The following AMMECR1 variants were observed in gnomAD, a reference collection of about 807,000 sequenced individuals.
AMMECR1 encodes the protein nuclear protein AMMECR1.
In AMMECR1, 3 loss-of-function variants were observed where a neutral mutation model predicts 22.5. That is an observed-to-expected ratio of 0.13 (90% CI 0.06 to 0.35). AMMECR1 has a LOEUF of 0.35. Among genes scored for constraint, AMMECR1 ranks in the 10% least tolerant of loss-of-function variants. The pLI, the probability that AMMECR1 is intolerant of heterozygous loss-of-function variation, is 1.00. For synonymous variants in AMMECR1, 130 were observed against 116.7 expected (o/e 1.11, Z -0.74); for missense variants, 235 against 278.7 (o/e 0.84, Z 1.12).
chrX:110,268,557 C>A (rs1009667076), intron 1 of AMMECR1, among the ~76,000 whole-genome samples: 1 of 112,124 alleles, frequency 8.9e-6, no homozygotes, highest in Admixed American at 9.4e-5. Context: ...TCCCTGAGCA[C>A]AAGACATTGT....
intron 2 of AMMECR1, among the ~76,000 whole-genome samples, chrX:110,355,461 G>A (rs2068226518): frequency 8.9e-6 from 1 of 111,849 alleles, no homozygotes; most frequent in South Asian, 3.7e-4. Flanking sequence ...CTTAAGAGTT[G>A]TGAATTGCCA....
intron 2 of AMMECR1, among the ~76,000 whole-genome samples, chrX:110,425,980 G>A (rs967162643): frequency 9.1e-5 from 10 of 109,403 alleles, no homozygotes; most frequent in African/African-American, 1.0e-4. Flanking sequence ...GTGCGTGCGC[G>A]CACACACACA....
chrX:110,382,299 C>T (rs2068425587), intron 2 of AMMECR1, among the ~76,000 whole-genome samples: 1 of 108,737 alleles, frequency 9.2e-6, no homozygotes, highest in Non-Finnish European at 1.9e-5. Flanking sequence ...GAACAGAAGG[C>T]GAATAAGCAA....
rs2067361437 is a variant in AMMECR1, at chrX:110,194,551, G to T, written c.*3969C>A. On this transcript the variant is annotated 3_prime_UTR_variant, in exon 6 of 6. Coordinates refer to ENST00000262844, the MANE Select transcript of AMMECR1 (RefSeq NM_015365.3). ...ACAAGTCTCACCATTGTATCACCAA[G>T]AACTCATTATGCTGGTGACAGATTC... The T allele has an allele frequency of 8.9e-6, 1 of 111,955 alleles. No homozygotes were observed. The highest frequency in any genetic ancestry group is 1.9e-5 in the Non-Finnish European group (1 of 53,193). The allele number at this position is 111,955 out of a possible 1,213,427, so 9.2% of individuals were successfully genotyped here. A position where few individuals can be genotyped will look rare whatever the true frequency, so the allele number is the denominator to read the frequency against.
At chrX:110,234,200 C>T (rs752929890) in intron 2 of AMMECR1, among the ~76,000 whole-genome samples, 4 of 111,262 alleles carry the variant, frequency 3.6e-5, no homozygotes, top group African/African-American at 9.8e-5. Context: ...AAACAGAGAG[C>T]CAAATCATGA....
chrX:110,225,531 T>C (rs747571515), intron 2 of AMMECR1, among the ~76,000 whole-genome samples: 4 of 112,497 alleles, frequency 3.6e-5, no homozygotes, highest in East Asian at 2.8e-4. Flanking sequence ...ATGAAGATTA[T>C]ATAGGTTGGA....
rs1004508026 is a variant in AMMECR1, at chrX:110,194,791, T to C, written c.*3729A>G. 1.8e-5 allele frequency: 2 copies of C among 111,686 alleles called. No homozygotes were observed. Among genetic ancestry groups the C allele is most frequent in the African/African-American group, 6.5e-5 (2 of 30,688 alleles). The allele number at this position is 111,686 out of a possible 1,213,427, so 9.2% of individuals were successfully genotyped here. On this transcript the variant is annotated 3_prime_UTR_variant, in exon 6 of 6. Coordinates refer to ENST00000262844, the MANE Select transcript of AMMECR1 (RefSeq NM_015365.3). ...AGCAATAAAAAACAAGGAAAACATA[T>C]ATTTGTATATAAAGGATCAATGCTG... is the stretch of plus-strand genomic sequence containing the variant.
chrX:110,431,260 T>C (rs142783194), intron 1 of AMMECR1, among the ~76,000 whole-genome samples: 155 of 110,296 alleles, frequency 1.4e-3, no homozygotes, highest in African/African-American at 4.8e-3. Context: ...GGGTTTGCAG[T>C]GATCATGGGG....
At chrX:110,367,901 T>G (rs1335044881) in intron 2 of AMMECR1, among the ~76,000 whole-genome samples, 1 of 109,825 alleles carries the variant, frequency 9.1e-6, no homozygotes, top group East Asian at 2.8e-4. Flanking sequence ...TTCAGACTCC[T>G]GGGCTCAAGG....
chrX:110,345,922 C>A lies in AMMECR1; in HGVS notation c.-147-28073G>T, dbSNP rs770141302. Reference sequence around the variant, plus strand: ...GCCATAAATACAAGGTTCTCTGATACCTTCATTTATTATATCAATATTGGG... The same window carrying A: ...GCCATAAATACAAGGTTCTCTGATAACTTCATTTATTATATCAATATTGGG... On this transcript the variant is annotated intron_variant, in intron 2 of 7. Coordinates refer to the AMMECR1 transcript ENST00000372057. Among the ~76,000 whole-genome samples, 24 of 111,134 alleles carry A rather than the reference C, an allele frequency of 2.2e-4. No homozygotes were observed. The South Asian group carries it at 9.1e-3, about 42-fold the overall frequency.
In AMMECR1 at chrX:110,317,626, C is replaced by G. The variant is rs953376784; in HGVS notation, c.446G>C (p.Arg149Pro). ...YCHLYGYQQP[R>P]TPRFTNEPYP... The stretch of plus-strand genomic sequence containing the variant: ...GGGCTCGTTGGTGAATCGGGGGGTC[C>G]GGGGCTGCTGGTATCCATACAGGTG... Residue 149 changes from arginine (R) to proline (P), a missense_variant, in exon 1 of 6, where the codon CGG (arginine) becomes CCG (proline). Coordinates refer to ENST00000262844, the MANE Select transcript of AMMECR1 (RefSeq NM_015365.3). The G allele has an allele frequency of 1.8e-5, 22 of 1,196,368 alleles. No individual in the cohort carries two copies. Among genetic ancestry groups the G allele is most frequent in the Non-Finnish European group, 2.4e-5 (21 of 887,535 alleles).
At chrX:110,397,382 T>C (rs1048753615) in intron 2 of AMMECR1, among the ~76,000 whole-genome samples, 12 of 110,451 alleles carry the variant, frequency 1.1e-4, no homozygotes, top group African/African-American at 3.6e-4. Context: ...TAGAAATCAC[T>C]GAGTATTTAT....
At chrX:110,438,002 G>A (rs73542224) in intron 1 of AMMECR1, among the ~76,000 whole-genome samples, 22 of 111,403 alleles carry the variant, frequency 2.0e-4, no homozygotes, top group African/African-American at 5.9e-4. Flanking sequence ...CCCCAAATCC[G>A]TAGTCTCTGC....
chrX:110,307,864 CTTTTT>C (rs1162615101), intron 1 of AMMECR1, among the ~76,000 whole-genome samples: 1 of 63,620 alleles, frequency 1.6e-5, no homozygotes, highest in Non-Finnish European at 2.9e-5. Flanking sequence ...TTTTTTTTTT[CTTTTT>C]TTTTTTTTTT....
intron 2 of AMMECR1, among the ~76,000 whole-genome samples, chrX:110,341,942 C>T (rs982707226): frequency 9.1e-6 from 1 of 110,443 alleles, no homozygotes; most frequent in African/African-American, 3.3e-5. Context: ...GCCTGTAGTC[C>T]AAGAGGCTTG....
At chrX:110,217,464 T>C (rs772933351) in intron 2 of AMMECR1, among the ~76,000 whole-genome samples, 1 of 107,161 alleles carries the variant, frequency 9.3e-6, no homozygotes, top group South Asian at 4.1e-4. Flanking sequence ...CTGTAAAATG[T>C]GGAAAAACCA....
intron 1 of AMMECR1, among the ~76,000 whole-genome samples, chrX:110,266,114 T>G (rs905900771): frequency 9.1e-5 from 10 of 110,255 alleles, no homozygotes; most frequent in African/African-American, 3.0e-4. Flanking sequence ...AAGCCAGTTT[T>G]TTTTTTTTTT....
At chrX:110,388,163 C>T (rs778763199) in intron 2 of AMMECR1, among the ~76,000 whole-genome samples, 61 of 111,845 alleles carry the variant, frequency 5.5e-4, no homozygotes, top group Non-Finnish European at 1.0e-3. Flanking sequence ...CACCGCCCAG[C>T]CTGATCATTA....
At chrX:110,270,450 T>C (rs1322092503) in intron 1 of AMMECR1, among the ~76,000 whole-genome samples, 2 of 111,264 alleles carry the variant, frequency 1.8e-5, no homozygotes, top group African/African-American at 6.6e-5. Context: ...CTCCAAATTT[T>C]CTTACTACTG....
Sources: gnomAD v4.1 joint callset for allele counts (sites outside exome capture counted in the v4.1 genomes callset) on GRCh38, gnomAD v4.1.1 for gene constraint, MANE v1.5 for transcripts, NCBI Gene and HGNC (gene_info 2026-07-23, HGNC 2026-07-21) for gene names.